GRIK4: variants seen among roughly 807,000 people sequenced by gnomAD.
GRIK4 encodes glutamate receptor ionotropic, kainate 4.
A neutral mutation model predicts 104.9 loss-of-function variants in GRIK4; 40 were observed. The observed-to-expected ratio is 0.38, with a 90% confidence interval of 0.30 to 0.50. GRIK4 has a LOEUF of 0.50. GRIK4 is among the 20% of genes least tolerant of loss of function. The probability of loss-of-function intolerance (pLI) is 0.93; values close to 1 mark genes in which losing one functional copy is unlikely to be tolerated. For missense variants in GRIK4, 1,047 were observed against 1,308.1 expected, an observed-to-expected ratio of 0.80 and a Z score of 3.08; for synonymous variants, 485 against 524.9, an observed-to-expected ratio of 0.92 and a Z score of 1.04.
chr11:120,775,362 G>T (rs1461436624), intron 3 of GRIK4, among the ~76,000 whole-genome samples: 1 of 152,226 alleles, frequency 6.6e-6, no homozygotes, highest in Non-Finnish European at 1.5e-5. Context: ...ACACAGCTGG[G>T]TTGGGCAGCA....
intron 1 of GRIK4, among the ~76,000 whole-genome samples, chr11:120,622,273 A>G (rs191576100): frequency 6.6e-6 from 1 of 152,308 alleles, no homozygotes; most frequent in African/African-American, 2.4e-5. Flanking sequence ...TAATTTTCAC[A>G]ACAACCCCAT....
chr11:120,571,941 C>G (rs772988553), intron 1 of GRIK4, among the ~76,000 whole-genome samples: 1 of 152,166 alleles, frequency 6.6e-6, no homozygotes, highest in Non-Finnish European at 1.5e-5. Flanking sequence ...AGGAAGTCAC[C>G]GGAGGCATCC....
chr11:120,609,134 C>T (rs989061834), intron 1 of GRIK4, among the ~76,000 whole-genome samples: 9 of 152,134 alleles, frequency 5.9e-5, no homozygotes, highest in Non-Finnish European at 8.8e-5. Context: ...GTGCTCCCAG[C>T]GCCTCCCCTC....
At position 120,748,275 on chromosome 11, in the gene GRIK4, A is replaced by G. The variant is rs538403699; in HGVS notation, c.83-54418A>G. On this transcript the variant is annotated intron_variant, in intron 3 of 20. Coordinates refer to ENST00000527524, the MANE Select transcript of GRIK4 (RefSeq NM_014619.5). Reference sequence around the variant, plus strand: ...TCCCAGACTCTCCCTTCCACCTCCCATCTCCTTCCACCCCCTGCCAAGCAC... The same window carrying G: ...TCCCAGACTCTCCCTTCCACCTCCCGTCTCCTTCCACCCCCTGCCAAGCAC... 3.3e-5 allele frequency among the ~76,000 whole-genome samples: 5 copies of G among 152,078 alleles called. No individual in the cohort carries two copies. In the East Asian group the frequency reaches 9.7e-4, roughly 29 times the overall value.
At chr11:120,661,626 G>A (rs893487264) in intron 3 of GRIK4, among the ~76,000 whole-genome samples, 1 of 152,098 alleles carries the variant, frequency 6.6e-6, no homozygotes, top group Non-Finnish European at 1.5e-5. Context: ...GCCATGGTGT[G>A]GGCAGAGGTG....
chr11:120,640,434 C>T (rs1949455956), intron 1 of GRIK4, among the ~76,000 whole-genome samples: 1 of 152,056 alleles, frequency 6.6e-6, no homozygotes, highest in South Asian at 2.1e-4. Context: ...TTATGAATCT[C>T]CAATAAATTT....
intron 3 of GRIK4, among the ~76,000 whole-genome samples, chr11:120,711,438 C>G (rs1281233097): frequency 2.6e-5 from 4 of 152,128 alleles, no homozygotes; most frequent in African/African-American, 9.7e-5. Flanking sequence ...GCAAATTCAT[C>G]CTGGCGGGAC....
chr11:120,905,531 C>A lies in GRIK4; in HGVS notation c.1476+38C>A. Reference sequence around the variant, plus strand: ...CAAGTGATCTGGGCCTGAGGGTGGGCTGGGAGGGATTGGAAGAGCATGAGG... The same window carrying A: ...CAAGTGATCTGGGCCTGAGGGTGGGATGGGAGGGATTGGAAGAGCATGAGG... On this transcript the variant is annotated intron_variant, in intron 13 of 20. Transcript: ENST00000527524. This position sits in a 1 kb window ranked among gnomAD's most constrained non-coding sequence, Gnocchi z 5.1. 1 of 469,010 alleles carries A rather than the reference C, an allele frequency of 2.1e-6. No individual in the cohort carries two copies. The highest frequency in any genetic ancestry group is 2.1e-5 in the Admixed American group (1 of 47,770). 29.1% of individuals were successfully genotyped at this position (469,010 alleles called of 1,614,324 possible). A position where few individuals can be genotyped will look rare whatever the true frequency, so the allele number is the denominator to read the frequency against.
chr11:120,856,195 A>G (rs1954101289), intron 8 of GRIK4, among the ~76,000 whole-genome samples: 2 of 152,240 alleles, frequency 1.3e-5, no homozygotes. Context: ...TCGAAAGTTC[A>G]GAGATCCGCC....
chr11:120,573,007 G>A (rs1282215174), intron 1 of GRIK4, among the ~76,000 whole-genome samples: 2 of 152,154 alleles, frequency 1.3e-5, no homozygotes, highest in Non-Finnish European at 2.9e-5. Flanking sequence ...CATTCATTCA[G>A]TAGTCTTTTA....
At chr11:120,572,160 G>A (rs531340283) in intron 1 of GRIK4, among the ~76,000 whole-genome samples, 3 of 152,296 alleles carry the variant, frequency 2.0e-5, no homozygotes, top group African/African-American at 7.2e-5. Context: ...GAGAGCAAGA[G>A]CAAGTTCTGT....
chr11:120,914,056 C>T (rs1943055634), intron 13 of GRIK4, among the ~76,000 whole-genome samples: 1 of 152,224 alleles, frequency 6.6e-6, no homozygotes, highest in Non-Finnish European at 1.5e-5. Flanking sequence ...GCTTTACCTT[C>T]CCCATTAAGG....
intron 11 of GRIK4, among the ~76,000 whole-genome samples, chr11:120,896,834 G>A (rs1942596356): frequency 6.6e-6 from 1 of 152,240 alleles, no homozygotes; most frequent in Non-Finnish European, 1.5e-5. Context: ...GGAAGCTGCT[G>A]CTACTGCCTG....
rs1211674182 is a variant in GRIK4 at position 120,665,397 on chromosome 11, A to G, written c.82+4997A>G. The stretch of plus-strand genomic sequence containing the variant: ...TCTTTCACATTAGTGACAAATAGAA[A>G]TTGATGACTTTCTCCTTCATCTGTC... On this transcript the variant is annotated intron_variant, in intron 3 of 20. Transcript: ENST00000527524. Among the ~76,000 whole-genome samples the G allele has an allele frequency of 2.0e-5, 3 of 152,336 alleles. No homozygotes were observed. The South Asian group carries it at 6.2e-4, about 32-fold the overall frequency.
chr11:120,919,856 G>A (rs184943911), intron 13 of GRIK4, among the ~76,000 whole-genome samples: 122 of 152,260 alleles, frequency 8.0e-4, no homozygotes, highest in African/African-American at 2.8e-3. Flanking sequence ...CTGATTCATG[G>A]TCTCTGGGAT....
chr11:120,716,766 ATTC>A (rs777869356), intron 3 of GRIK4, among the ~76,000 whole-genome samples: 26 of 152,238 alleles, frequency 1.7e-4, no homozygotes, highest in Admixed American at 5.9e-4. Context: ...AGAAGAAGGA[ATTC>A]TTCTCTCCCT....
At chr11:120,651,208 G>T (rs1949615177) in intron 1 of GRIK4, among the ~76,000 whole-genome samples, 1 of 152,200 alleles carries the variant, frequency 6.6e-6, no homozygotes. Context: ...GCACTGAATG[G>T]GGTGGAGAGA....
chr11:120,752,309 T>C (rs1318373256), intron 3 of GRIK4, among the ~76,000 whole-genome samples: 1 of 152,244 alleles, frequency 6.6e-6, no homozygotes, highest in Non-Finnish European at 1.5e-5. Context: ...TGCAGAGTTT[T>C]GAGGCAACTG....
chr11:120,616,449 C>T (rs1046289499), intron 1 of GRIK4, among the ~76,000 whole-genome samples: 6 of 152,220 alleles, frequency 3.9e-5, no homozygotes, highest in African/African-American at 1.4e-4. Flanking sequence ...CCGTGACAGA[C>T]ATGTTCCTTA....
Sources: gnomAD v4.1 joint callset for allele counts (sites outside exome capture counted in the v4.1 genomes callset) on GRCh38, gnomAD v4.1.1 for gene constraint, Gnocchi (gnomAD v3.1) non-coding constraint, MANE v1.5 for transcripts, NCBI Gene and HGNC (gene_info 2026-07-23, HGNC 2026-07-21) for gene names.